The following ADGRG6 variants were observed in gnomAD, a reference collection of about 807,000 sequenced individuals.
ADGRG6 encodes adhesion G protein-coupled receptor G6.
In ADGRG6, 84 loss-of-function variants were observed where a neutral mutation model predicts 142.4. That is an observed-to-expected ratio of 0.59 (90% CI 0.49 to 0.71). The LOEUF (loss-of-function observed/expected upper bound fraction) is 0.71, where lower values mean the gene tolerates loss of function less well. Among genes scored for constraint, ADGRG6 ranks in the 30% least tolerant of loss-of-function variants. The pLI is 0.00. For synonymous variants in ADGRG6, 521 were observed against 520.5 expected, an observed-to-expected ratio of 1.00 and a Z score of -0.01; for missense variants, 1,367 against 1,466.6, an observed-to-expected ratio of 0.93 and a Z score of 1.11.
chr6:142,431,631 A>G (rs1197035735), intron 22 of ADGRG6, among the ~76,000 whole-genome samples: 1 of 152,204 alleles, frequency 6.6e-6, no homozygotes, highest in Admixed American at 6.5e-5. Context: ...AGGGAAAAAA[A>G]TGATAGAAAG....
chr6:142,324,583 A>G (rs9321865), intron 2 of ADGRG6, among the ~76,000 whole-genome samples: 13,287 of 152,142 alleles, frequency 0.087, 672 homozygotes, highest in East Asian at 0.26. Context: ...TAAAATAAGG[A>G]TAGAAAGATA....
chr6:142,324,194 C>G (rs906476180), intron 2 of ADGRG6, among the ~76,000 whole-genome samples: 1 of 151,992 alleles, frequency 6.6e-6, no homozygotes, highest in Non-Finnish European at 1.5e-5. Flanking sequence ...ATTTTGTTGC[C>G]TTCTGTCTTC....
chr6:142,419,238 C>T (rs1020797319), intron 21 of ADGRG6, among the ~76,000 whole-genome samples: 1 of 152,056 alleles, frequency 6.6e-6, no homozygotes, highest in African/African-American at 2.4e-5. Context: ...ATGTCAGGGC[C>T]AACAACTCTG....
chr6:142,369,198 T>C (rs1402747930), intron 3 of ADGRG6, among the ~76,000 whole-genome samples: 1 of 152,198 alleles, frequency 6.6e-6, no homozygotes, highest in Non-Finnish European at 1.5e-5. Flanking sequence ...CAAATTAGTT[T>C]CACAATGGCT....
chr6:142,358,410 A>G (rs958816124), intron 2 of ADGRG6, among the ~76,000 whole-genome samples: 1 of 152,190 alleles, frequency 6.6e-6, no homozygotes, highest in Non-Finnish European at 1.5e-5. Context: ...GGCTCACTTC[A>G]GTGAATTCAG....
chr6:142,420,701 T>C (rs992345954), intron 22 of ADGRG6, among the ~76,000 whole-genome samples: 4 of 152,200 alleles, frequency 2.6e-5, no homozygotes, highest in South Asian at 2.1e-4. Context: ...AATGGTCTGC[T>C]TTGCATAAAA....
intron 5 of ADGRG6, 136 bp from the exon 6 acceptor site, chr6:142,383,624 C>T (rs1781879562): frequency 5.0e-6 from 3 of 601,130 alleles, no homozygotes; most frequent in East Asian, 2.8e-5. Flanking sequence ...TACATTACAA[C>T]CTTGGAGTCT....
chr6:142,397,861 T>C, intron 10 of ADGRG6, 106 bp downstream of exon 10: 3 of 672,076 alleles, frequency 4.5e-6, no homozygotes, highest in Non-Finnish European at 6.9e-6. Flanking sequence ...TTTATGTAAG[T>C]TTTTTTTCTG....
chr6:142,386,218 C>CT (rs1281817476), intron 6 of ADGRG6, among the ~76,000 whole-genome samples: 1 of 152,124 alleles, frequency 6.6e-6, no homozygotes, highest in Non-Finnish European at 1.5e-5. Context: ...TCAAATTACA[C>CT]TAAGTCCTCA....
At chr6:142,380,379 A>T (rs1781715300) in intron 4 of ADGRG6, among the ~76,000 whole-genome samples, 2 of 151,980 alleles carry the variant, frequency 1.3e-5, no homozygotes, top group South Asian at 4.1e-4. Context: ...CTAGAAGTTC[A>T]TTTTTGGTTT....
chr6:142,340,729 C>G (rs143199767), intron 2 of ADGRG6, among the ~76,000 whole-genome samples: 1 of 152,030 alleles, frequency 6.6e-6, no homozygotes, highest in Non-Finnish European at 1.5e-5. Context: ...AGCAGAGAAA[C>G]CTTTAACTCT....
intron 2 of ADGRG6, among the ~76,000 whole-genome samples, chr6:142,358,260 A>G (rs1039825127): frequency 1.3e-5 from 2 of 152,240 alleles, no homozygotes; most frequent in Non-Finnish European, 2.9e-5. Flanking sequence ...TGAGATGAAC[A>G]TAAGGTGAGT....
At chr6:142,370,134 T>A in intron 3 of ADGRG6, 36 bp from the exon 4 acceptor site, 1 of 1,549,808 alleles carries the variant, frequency 6.5e-7, no homozygotes, top group African/African-American at 1.4e-5. Flanking sequence ...GTTCTGAAGT[T>A]AACAGGTTTA....
In ADGRG6 at chr6:142,381,932, T is replaced by C; in HGVS notation, c.1070-19T>C. 6.6e-7 allele frequency: 1 copy of C among 1,513,680 alleles called. No homozygotes were observed. The highest frequency in any genetic ancestry group is 9.1e-7 in the Non-Finnish European group (1 of 1,101,522). The allele number at this position is 1,513,680 out of a possible 1,614,324, so 93.8% of individuals were successfully genotyped here. A position where few individuals can be genotyped will look rare whatever the true frequency, so the allele number is the denominator to read the frequency against. On this transcript the variant is annotated intron_variant, in intron 4 of 24. Transcript: ENST00000367609. Reference sequence around the variant, plus strand: ...TAAATCATAAATCAAACTTACATATTCTTTTTGTGTTGATCAAGGTTCCTA... The same window carrying C: ...TAAATCATAAATCAAACTTACATATCCTTTTTGTGTTGATCAAGGTTCCTA...
At chr6:142,385,001 A>G (rs1232102963) in intron 6 of ADGRG6, among the ~76,000 whole-genome samples, 1 of 152,032 alleles carries the variant, frequency 6.6e-6, no homozygotes, top group Non-Finnish European at 1.5e-5. Flanking sequence ...TCCAGTGCAT[A>G]TTTCACATGG....
intron 1 of ADGRG6, among the ~76,000 whole-genome samples, chr6:142,306,802 C>G (rs1777520926): frequency 1.3e-5 from 2 of 152,090 alleles, no homozygotes; most frequent in Non-Finnish European, 2.9e-5. Context: ...GCTAAGTGAT[C>G]CCCTGAGAAA....
intron 6 of ADGRG6, among the ~76,000 whole-genome samples, chr6:142,389,263 T>TC (rs1053553112): frequency 2.9e-4 from 44 of 152,040 alleles, no homozygotes; most frequent in Admixed American, 7.9e-4. Flanking sequence ...CATTTTTTTT[T>TC]CTACTGCCTC....
At chr6:142,369,977 C>G (rs983152816) in intron 3 of ADGRG6, among the ~76,000 whole-genome samples, 193 bp from the exon 4 acceptor site, 2 of 152,000 alleles carry the variant, frequency 1.3e-5, no homozygotes, top group African/African-American at 4.8e-5. Flanking sequence ...AGTAGAATTT[C>G]TTATTATTAC....
intron 1 of ADGRG6, among the ~76,000 whole-genome samples, chr6:142,305,074 A>G (rs909393717): frequency 2.6e-5 from 4 of 152,216 alleles, no homozygotes; most frequent in African/African-American, 9.6e-5. Context: ...CAATGAAGAA[A>G]ATATGTATAT....
Sources: allele counts gnomAD v4.1 joint callset (sites outside exome capture counted in the v4.1 genomes callset), GRCh38; gene constraint gnomAD v4.1.1; transcripts MANE v1.5; gene names NCBI Gene and HGNC (gene_info 2026-07-23, HGNC 2026-07-21).